The following MAGI1 variants were observed in gnomAD, a reference collection of about 807,000 sequenced individuals.
MAGI1 encodes the protein membrane-associated guanylate kinase, WW and PDZ domain-containing protein 1.
MAGI1 carries 58 observed loss-of-function variants against 139.9 expected under a neutral mutation model. That is an observed-to-expected ratio of 0.41 (90% CI 0.34 to 0.52). MAGI1 has a LOEUF of 0.52. Ranked by LOEUF, MAGI1 falls within the 20% of genes least tolerant of loss-of-function variation. The pLI, the probability that MAGI1 is intolerant of heterozygous loss-of-function variation, is 0.12. For synonymous variants in MAGI1, 812 were observed against 737.9 expected (o/e 1.10, Z -1.63); for missense variants, 1,874 against 1,901.6 (o/e 0.99, Z 0.27).
In MAGI1 at chr3:65,830,327, GA is replaced by G. The variant is rs534479906; in HGVS notation, c.313+207668del. 6.6e-4 allele frequency among the ~76,000 whole-genome samples: 92 copies of G among 140,090 alleles called. 1 individual carries two copies. The highest frequency in any genetic ancestry group is 5.2e-3 in the South Asian group (23 of 4,390). 91.9% of individuals were successfully genotyped at this position (140,090 alleles called of 152,430 possible). On this transcript the variant is annotated intron_variant, in intron 1 of 22. Coordinates refer to ENST00000402939, the MANE Select transcript of MAGI1 (RefSeq NM_001033057.2). ...GGAAAATCTTATAAAAGGAGAGAGA[GA>G]AAAAAAAAAACACAGAGAGAGAGAA...
At chr3:66,016,871 C>T (rs2067671983) in intron 1 of MAGI1, among the ~76,000 whole-genome samples, 1 of 152,150 alleles carries the variant, frequency 6.6e-6, no homozygotes, top group Non-Finnish European at 1.5e-5. Context: ...GGACATTACA[C>T]TAATTGAGAT....
At chr3:66,007,574 A>G (rs2067091893) in intron 1 of MAGI1, among the ~76,000 whole-genome samples, 1 of 152,236 alleles carries the variant, frequency 6.6e-6, no homozygotes, top group Admixed American at 6.5e-5. Flanking sequence ...GCAAGGCTGA[A>G]GAGAAATTCC....
chr3:65,980,288 T>C (rs6445522), intron 1 of MAGI1, among the ~76,000 whole-genome samples: 148,787 of 152,344 alleles, frequency 0.98, 72,758 homozygotes, highest in East Asian at 1. Flanking sequence ...AATGGCTGGG[T>C]GTGGTAGCTC....
chr3:65,382,069 T>A lies in MAGI1; in HGVS notation c.2509A>T (p.Ile837Phe). ...ILGGNEPGEP[I>F]YIGHIVPLGA... Reference sequence around the variant, plus strand: ...AGTGGTACGATGTGACCAATATAAATCTGTTGAGTAATTGAACGATGGATG... The same window carrying A: ...AGTGGTACGATGTGACCAATATAAAACTGTTGAGTAATTGAACGATGGATG... The change falls in exon 16 of 23, where the codon ATT becomes TTT. Residue 837 changes from isoleucine to phenylalanine, a missense_variant and splice_region_variant. Ile to Phe is a conservative substitution (Grantham distance 21, BLOSUM62 0). Transcript: ENST00000402939. The A allele has an allele frequency of 1.2e-6, 2 of 1,600,408 alleles. No individual in the cohort carries two copies. The highest frequency in any genetic ancestry group is 1.7e-6 in the Non-Finnish European group (2 of 1,172,122).
At chr3:65,411,592 C>T (rs1343781105) in intron 12 of MAGI1, among the ~76,000 whole-genome samples, 1 of 152,034 alleles carries the variant, frequency 6.6e-6, no homozygotes, top group East Asian at 1.9e-4. Flanking sequence ...CTGTGTGGGC[C>T]CTTATTTTAA....
rs146750531 is a variant in MAGI1, at chr3:65,368,172, A to G, written c.3197-3226T>C. ...TGACTACTTACGGTGGAAAAAATAT[A>G]AAAGAAGGGCCTGAAACAAGAGTAT... On this transcript the variant is annotated intron_variant, in intron 18 of 22. Transcript: ENST00000402939. Among the ~76,000 whole-genome samples the G allele has an allele frequency of 1.6e-3, 249 of 152,322 alleles. 1 individual carries two copies. The highest frequency in any genetic ancestry group is 5.8e-3 in the African/African-American group (242 of 41,574).
intron 2 of MAGI1, among the ~76,000 whole-genome samples, chr3:65,523,759 T>G (rs1244189320): frequency 2.0e-5 from 3 of 152,198 alleles, no homozygotes; most frequent in Non-Finnish European, 4.4e-5. Context: ...TGGAAATAAC[T>G]GGAAATAGTG....
chr3:65,990,457 C>A (rs1310983755), intron 1 of MAGI1, among the ~76,000 whole-genome samples: 2 of 152,164 alleles, frequency 1.3e-5, no homozygotes, highest in East Asian at 1.9e-4. Flanking sequence ...CCTTGTTTAG[C>A]CGAAGCTTCT....
chr3:65,438,687 C>T (rs1289492156), intron 9 of MAGI1, among the ~76,000 whole-genome samples: 1 of 152,212 alleles, frequency 6.6e-6, no homozygotes, highest in African/African-American at 2.4e-5. Context: ...TGTTTGGATA[C>T]AGCCTGTGAG....
chr3:65,479,414 T>A (rs1392801786), intron 3 of MAGI1, among the ~76,000 whole-genome samples: 1 of 152,048 alleles, frequency 6.6e-6, no homozygotes, highest in Non-Finnish European at 1.5e-5. Flanking sequence ...GGGTCACTCT[T>A]CCAGTAGTGG....
At chr3:65,487,264 T>C (rs917767277) in intron 3 of MAGI1, among the ~76,000 whole-genome samples, 3 of 152,226 alleles carry the variant, frequency 2.0e-5, no homozygotes, top group Non-Finnish European at 4.4e-5. Flanking sequence ...TTCGCACACT[T>C]ACAATTGGAT....
intron 1 of MAGI1, among the ~76,000 whole-genome samples, chr3:65,802,671 C>G (rs1397781774): frequency 6.6e-6 from 1 of 152,136 alleles, no homozygotes; most frequent in African/African-American, 2.4e-5. Flanking sequence ...TAACATCTAT[C>G]AAGTACACAA....
At position 65,979,641 on chromosome 3, in the gene MAGI1, G is replaced by A. The variant is rs72908983; in HGVS notation, c.313+58355C>T. Among the ~76,000 whole-genome samples the A allele has an allele frequency of 5.8e-3, 886 of 152,242 alleles. 8 individuals are homozygous for A. Among genetic ancestry groups the A allele is most frequent in the African/African-American group, 0.02 (846 of 41,534 alleles). ...TTGTTCCTCATTTTGTTTTCAGAAT[G>A]CAGGTCAGGATCAGAAACTGGGAAC... On this transcript the variant is annotated intron_variant, in intron 1 of 22. Coordinates refer to ENST00000402939, the MANE Select transcript of MAGI1 (RefSeq NM_001033057.2).
chr3:66,026,498 T>A (rs1478087840), intron 1 of MAGI1, among the ~76,000 whole-genome samples: 1 of 151,676 alleles, frequency 6.6e-6, no homozygotes, highest in Non-Finnish European at 1.5e-5. Flanking sequence ...CAAAAAGAAT[T>A]CAATTCAACA....
intron 1 of MAGI1, among the ~76,000 whole-genome samples, chr3:65,876,110 A>T (rs1007888269): frequency 1.3e-5 from 2 of 151,216 alleles, no homozygotes; most frequent in African/African-American, 4.9e-5. Context: ...AGAGATGAGG[A>T]TGAAGAAAAT....
intron 1 of MAGI1, among the ~76,000 whole-genome samples, chr3:65,737,701 G>A (rs986761019): frequency 6.6e-6 from 1 of 152,092 alleles, no homozygotes; most frequent in African/African-American, 2.4e-5. Context: ...AAACCACAAA[G>A]GTCCAGGCTA....
At chr3:65,374,313 CTTT>C (rs3072933) in intron 18 of MAGI1, among the ~76,000 whole-genome samples, 22 of 95,106 alleles carry the variant, frequency 2.3e-4, no homozygotes, top group East Asian at 9.7e-4. Flanking sequence ...ATCAACTTAA[CTTT>C]TTTTTTTTTT....
At chr3:65,792,096 T>C (rs1292527931) in intron 1 of MAGI1, among the ~76,000 whole-genome samples, 4 of 152,142 alleles carry the variant, frequency 2.6e-5, no homozygotes, top group African/African-American at 9.7e-5. Flanking sequence ...AACAAGAGAT[T>C]AATAACAATA....
chr3:65,860,415 C>G (rs1165284926), intron 1 of MAGI1, among the ~76,000 whole-genome samples: 1 of 152,156 alleles, frequency 6.6e-6, no homozygotes, highest in African/African-American at 2.4e-5. Flanking sequence ...GAACTGCAGA[C>G]AAGGGTATTG....
Sources: gnomAD v4.1 joint callset for allele counts (sites outside exome capture counted in the v4.1 genomes callset) on GRCh38, gnomAD v4.1.1 for gene constraint, MANE v1.5 for transcripts, NCBI Gene and HGNC (gene_info 2026-07-23, HGNC 2026-07-21) for gene names.